Variants in SYT1 observed in about 807,000 individuals in gnomAD.
SYT1 encodes synaptotagmin 1.
SYT1 carries 8 observed loss-of-function variants against 44.8 expected under a neutral mutation model. That is an observed-to-expected ratio of 0.18 (90% confidence interval 0.10 to 0.32). The LOEUF (loss-of-function observed/expected upper bound fraction) is 0.32, where lower values mean the gene tolerates loss of function less well. SYT1 is among the 10% of genes least tolerant of loss of function. SYT1 has a pLI of 1.00. For missense variants in SYT1, 286 were observed against 509.3 expected (o/e 0.56, Z 4.22); for synonymous variants, 154 against 188.8 (o/e 0.82, Z 1.51).
intron 1 of SYT1, among the ~76,000 whole-genome samples, chr12:78,948,567 G>T (rs1878793250): frequency 1.3e-5 from 2 of 151,726 alleles, no homozygotes; most frequent in Non-Finnish European, 2.9e-5. Context: ...TATTAATTTA[G>T]ACTTCACAGA....
chr12:79,433,280 C>T (rs1292283011), intron 9 of SYT1, among the ~76,000 whole-genome samples: 10 of 152,078 alleles, frequency 6.6e-5, no homozygotes, highest in Admixed American at 5.9e-4. Context: ...ACCAGGAACC[C>T]GTGTAGTCAT....
At chr12:79,079,105 C>T (rs908617372) in intron 3 of SYT1, among the ~76,000 whole-genome samples, 5 of 152,108 alleles carry the variant, frequency 3.3e-5, no homozygotes, top group African/African-American at 9.7e-5. Context: ...TACCCTATAA[C>T]TAAAGAATGA....
At position 79,276,197 on chromosome 12, in the gene SYT1, C is replaced by T. The variant is rs574392084; in HGVS notation, c.167-9590C>T. 3.3e-5 allele frequency among the ~76,000 whole-genome samples: 5 copies of T among 152,154 alleles called. No individual in the cohort carries two copies. In the South Asian group the frequency reaches 8.3e-4, roughly 25 times the overall value. ...CCCCCAAAAGATCACCCTAACTCTC[C>T]AGCAAAGGATCCAAATCAAATGAAA... is the stretch of plus-strand genomic sequence containing the variant. On this transcript the variant is annotated intron_variant, in intron 4 of 10. Coordinates refer to ENST00000261205, the MANE Select transcript of SYT1 (RefSeq NM_005639.3).
At chr12:79,005,749 AG>A (rs201189856) in intron 2 of SYT1, among the ~76,000 whole-genome samples, 221 of 152,232 alleles carry the variant, frequency 1.5e-3, no homozygotes, top group African/African-American at 4.2e-3. Flanking sequence ...AAGCCAGAAA[AG>A]AATTAAAATT....
intron 1 of SYT1, among the ~76,000 whole-genome samples, chr12:78,962,881 G>A (rs1879584723): frequency 6.6e-6 from 1 of 151,884 alleles, no homozygotes; most frequent in Non-Finnish European, 1.5e-5. Flanking sequence ...ATTTTATTGT[G>A]GTAAGAAGAG....
intron 4 of SYT1, among the ~76,000 whole-genome samples, chr12:79,239,967 G>A (rs1348296698): frequency 6.6e-6 from 1 of 152,138 alleles, no homozygotes; most frequent in African/African-American, 2.4e-5. Context: ...CTTGCAACTG[G>A]GCTCACCCAG....
chr12:78,876,798 A>G (rs1360625787), intron 1 of SYT1, among the ~76,000 whole-genome samples: 1 of 60,950 alleles, frequency 1.6e-5, no homozygotes, highest in African/African-American at 8.0e-5. Context: ...TACATATAAT[A>G]TATTATATGT....
At chr12:79,268,257 T>C (rs1230819514) in intron 4 of SYT1, among the ~76,000 whole-genome samples, 1 of 152,200 alleles carries the variant, frequency 6.6e-6, no homozygotes, top group Non-Finnish European at 1.5e-5. Context: ...GAGGCAGATT[T>C]ACGATTCTAT....
chr12:78,995,093 A>C (rs1167236736), intron 2 of SYT1, among the ~76,000 whole-genome samples: 1 of 152,140 alleles, frequency 6.6e-6, no homozygotes, highest in Non-Finnish European at 1.5e-5. Context: ...CACTCCCAAG[A>C]TTCTGATTAA....
chr12:79,054,698 T>C (rs925335987), intron 3 of SYT1, among the ~76,000 whole-genome samples: 1 of 151,928 alleles, frequency 6.6e-6, no homozygotes, highest in Admixed American at 6.6e-5. Flanking sequence ...ATAAATAAAG[T>C]ATAGTCTCTG....
At chr12:78,987,328 C>G (rs1869710811) in intron 2 of SYT1, among the ~76,000 whole-genome samples, 1 of 151,990 alleles carries the variant, frequency 6.6e-6, no homozygotes, top group Non-Finnish European at 1.5e-5. Flanking sequence ...CAAAAAGATA[C>G]ATCTCTCATA....
chr12:79,323,108 C>A (rs1881443936), intron 8 of SYT1, among the ~76,000 whole-genome samples: 1 of 151,376 alleles, frequency 6.6e-6, no homozygotes. Flanking sequence ...GCCTTACATG[C>A]ATTTTCTCTC....
At chr12:78,919,242 A>G (rs1174726432) in intron 1 of SYT1, among the ~76,000 whole-genome samples, 1 of 152,096 alleles carries the variant, frequency 6.6e-6, no homozygotes, top group East Asian at 1.9e-4. Flanking sequence ...TATGAACAAT[A>G]AAAACTACCT....
At chr12:78,951,866 T>C (rs1878985844) in intron 1 of SYT1, among the ~76,000 whole-genome samples, 1 of 152,114 alleles carries the variant, frequency 6.6e-6, no homozygotes, top group Non-Finnish European at 1.5e-5. Context: ...TTATGTGTCA[T>C]TCAGGGCATC....
At chr12:79,203,788 T>C (rs756896379) in intron 3 of SYT1, among the ~76,000 whole-genome samples, 12 of 152,240 alleles carry the variant, frequency 7.9e-5, no homozygotes, top group Non-Finnish European at 1.8e-4. Context: ...AATTAATTCA[T>C]TGGCACACAA....
intron 9 of SYT1, among the ~76,000 whole-genome samples, chr12:79,433,912 C>T (rs1869939354): frequency 6.6e-6 from 1 of 152,138 alleles, no homozygotes. Flanking sequence ...CATAACCATG[C>T]CCCACCTGAG....
chr12:79,177,092 T>A (rs1397438641), intron 3 of SYT1, among the ~76,000 whole-genome samples: 2 of 137,256 alleles, frequency 1.5e-5, no homozygotes, highest in Admixed American at 1.5e-4. Context: ...CATGTGCACA[T>A]TGTGCAGGTT....
Position 78,993,648 on chromosome 12 carries a change from G to A in SYT1, c.-84+15717G>A, listed in dbSNP as rs146125854. On this transcript the variant is annotated intron_variant, in intron 2 of 10. Coordinates refer to ENST00000261205, the MANE Select transcript of SYT1 (RefSeq NM_005639.3). ...TTTAAGCCACATTAAAATTTTAAAA[G>A]GCAAACAAAATTTTTAAAAGTATTT... is the stretch of plus-strand genomic sequence containing the variant. 4.5e-3 allele frequency among the ~76,000 whole-genome samples: 690 copies of A among 152,152 alleles called. 5 individuals carry two copies. The highest frequency in any genetic ancestry group is 0.015 in the African/African-American group (640 of 41,516).
In SYT1 at chr12:78,865,071, G is replaced by T. The variant is rs1873459612; in HGVS notation, c.-255G>T. The stretch of plus-strand genomic sequence containing the variant: ...CCGGTCCACGCGGGGAGAGCACTGG[G>T]GACCGAGACCCGGCACCACCTCCCG... On this transcript the variant is annotated 5_prime_UTR_variant, in exon 1 of 11. Coordinates refer to ENST00000261205, the MANE Select transcript of SYT1 (RefSeq NM_005639.3). The T allele has an allele frequency of 3.3e-5, 5 of 152,260 alleles. No individual in the cohort carries two copies. Among genetic ancestry groups the T allele is most frequent in the Admixed American group, 3.3e-4 (5 of 15,284 alleles). The allele number at this position is 152,260 out of a possible 1,614,324, so 9.4% of individuals were successfully genotyped here. A position where few individuals can be genotyped will look rare whatever the true frequency, so the allele number is the denominator to read the frequency against.
Sources: allele counts gnomAD v4.1 joint callset (sites outside exome capture counted in the v4.1 genomes callset), GRCh38; gene constraint gnomAD v4.1.1; transcripts MANE v1.5; gene names NCBI Gene and HGNC (gene_info 2026-07-23, HGNC 2026-07-21).